Variants in ASIC2 observed in about 807,000 individuals in gnomAD.
The protein encoded by ASIC2 is acid sensing ion channel subunit 2, also known as acid-sensing ion channel 2.
A neutral mutation model predicts 57.3 loss-of-function variants in ASIC2; 25 were observed. The observed-to-expected ratio is 0.44, with a 90% CI of 0.32 to 0.61. The LOEUF is 0.61. Among genes scored for constraint, ASIC2 ranks in the 20% least tolerant of loss-of-function variants. The pLI is 0.06. For missense variants in ASIC2, 641 were observed against 738.1 expected, an observed-to-expected ratio of 0.87 and a Z score of 1.52; for synonymous variants, 319 against 307.5, an observed-to-expected ratio of 1.04 and a Z score of -0.39.
At chr17:33,206,491 C>T (rs909864756) in intron 1 of ASIC2, among the ~76,000 whole-genome samples, 4 of 152,288 alleles carry the variant, frequency 2.6e-5, no homozygotes, top group African/African-American at 9.6e-5. Flanking sequence ...AAGGTCAAGC[C>T]AAGCCCAAAG....
At chr17:33,771,473 G>C (rs920750950) in intron 1 of ASIC2, among the ~76,000 whole-genome samples, 1 of 151,844 alleles carries the variant, frequency 6.6e-6, no homozygotes, top group African/African-American at 2.4e-5. Flanking sequence ...CTCTTCCTTT[G>C]TATTGCTGTT....
At chr17:33,479,434 C>T (rs1421639346) in intron 1 of ASIC2, among the ~76,000 whole-genome samples, 1 of 152,124 alleles carries the variant, frequency 6.6e-6, no homozygotes, top group Non-Finnish European at 1.5e-5. Flanking sequence ...CCATGTGTGG[C>T]CCCAGTCTCT....
intron 1 of ASIC2, among the ~76,000 whole-genome samples, chr17:33,260,531 C>T (rs1049941605): frequency 4.6e-5 from 7 of 152,202 alleles, no homozygotes; most frequent in African/African-American, 7.2e-5. Context: ...TCACCTCCAA[C>T]GGCCACACTA....
intron 1 of ASIC2, among the ~76,000 whole-genome samples, chr17:33,480,522 A>C (rs1248519686): frequency 6.6e-6 from 1 of 152,122 alleles, no homozygotes; most frequent in Non-Finnish European, 1.5e-5. Context: ...GGAGCAGAGA[A>C]ATAGGGAAGC....
chr17:33,449,145 C>A (rs1028874623), intron 1 of ASIC2, among the ~76,000 whole-genome samples: 1 of 152,082 alleles, frequency 6.6e-6, no homozygotes, highest in African/African-American at 2.4e-5. Flanking sequence ...TGCCACAGAC[C>A]CTTTGAGGTT....
At chr17:33,231,440 G>A (rs1022302425) in intron 1 of ASIC2, among the ~76,000 whole-genome samples, 8 of 152,150 alleles carry the variant, frequency 5.3e-5, no homozygotes, top group Non-Finnish European at 7.4e-5. Context: ...GATGGGGGCC[G>A]GAATGGGGCC....
At chr17:33,710,778 G>A (rs1280427432) in intron 1 of ASIC2, among the ~76,000 whole-genome samples, 3 of 152,122 alleles carry the variant, frequency 2.0e-5, no homozygotes, top group Non-Finnish European at 4.4e-5. Flanking sequence ...TCGTACTAGA[G>A]CAGTTTGGGT....
At chr17:33,709,049 C>G (rs1438760882) in intron 1 of ASIC2, among the ~76,000 whole-genome samples, 1 of 152,198 alleles carries the variant, frequency 6.6e-6, no homozygotes, top group Non-Finnish European at 1.5e-5. Context: ...AAGCCGTCTG[C>G]CTGTTTTTTG....
At chr17:33,124,912 C>T (rs1160783746) in intron 1 of ASIC2, among the ~76,000 whole-genome samples, 1 of 152,148 alleles carries the variant, frequency 6.6e-6, no homozygotes, top group Non-Finnish European at 1.5e-5. Context: ...GTATTAGATT[C>T]TCTTAAGGGG....
intron 3 of ASIC2, among the ~76,000 whole-genome samples, chr17:33,056,314 C>A (rs1166688133): frequency 1.3e-5 from 2 of 152,198 alleles, no homozygotes; most frequent in Non-Finnish European, 2.9e-5. Flanking sequence ...AAAATCCAGG[C>A]AGAAATTAAC....
intron 1 of ASIC2, among the ~76,000 whole-genome samples, chr17:33,633,475 C>G (rs183837885): frequency 2.0e-4 from 30 of 152,326 alleles, no homozygotes; most frequent in African/African-American, 6.3e-4. Context: ...GTGCCCCAAA[C>G]TTGGCCACAG....
At chr17:33,313,314 C>T (rs751358739) in intron 1 of ASIC2, among the ~76,000 whole-genome samples, 12 of 149,298 alleles carry the variant, frequency 8.0e-5, no homozygotes, top group South Asian at 2.1e-4. Flanking sequence ...GGAAACAGAG[C>T]GAAACCCTGT....
At chr17:33,416,772 C>A (rs7209828) in intron 1 of ASIC2, among the ~76,000 whole-genome samples, 2 of 152,048 alleles carry the variant, frequency 1.3e-5, no homozygotes, top group Admixed American at 6.5e-5. Context: ...ATTGATGACC[C>A]GAGTGGAATA....
At chr17:33,542,037 C>T (rs760436822) in intron 1 of ASIC2, among the ~76,000 whole-genome samples, 23 of 152,124 alleles carry the variant, frequency 1.5e-4, no homozygotes, top group Non-Finnish European at 2.5e-4. Context: ...CCAATGAATG[C>T]AAAATGCTGA....
intron 1 of ASIC2, among the ~76,000 whole-genome samples, chr17:33,768,711 C>T (rs1357039339): frequency 6.6e-6 from 1 of 152,138 alleles, no homozygotes; most frequent in Non-Finnish European, 1.5e-5. Flanking sequence ...TTGGCTCTTC[C>T]TGAATAATGC....
rs1340519031 is a variant in ASIC2 at position 33,820,177 on chromosome 17, G to A, written c.555+335801C>T. On this transcript the variant is annotated intron_variant, in intron 1 of 9. Transcript: ENST00000359872. ...TTTTAATTATATTTAAATTTAAAAA[G>A]TCTTACTAGGTTCAGTTATTGGAAG... 3.3e-5 allele frequency among the ~76,000 whole-genome samples: 5 copies of A among 152,126 alleles called. No individual in the cohort carries two copies. The South Asian group carries it at 1.0e-3, about 32-fold the overall frequency.
At chr17:33,038,421 T>C (rs1413906247) in intron 3 of ASIC2, among the ~76,000 whole-genome samples, 1 of 152,178 alleles carries the variant, frequency 6.6e-6, no homozygotes, top group Non-Finnish European at 1.5e-5. Context: ...ACCAGGAAGA[T>C]GAATCTATGG....
intron 1 of ASIC2, among the ~76,000 whole-genome samples, chr17:34,089,961 A>C (rs1394589647): frequency 6.6e-6 from 1 of 152,126 alleles, no homozygotes; most frequent in African/African-American, 2.4e-5. Flanking sequence ...CTGCAGGACA[A>C]TGTTCTGAAC....
At chr17:33,371,409 A>G (rs1394393) in intron 1 of ASIC2, among the ~76,000 whole-genome samples, 27,413 of 152,288 alleles carry the variant, frequency 0.18, 3,430 homozygotes, top group East Asian at 0.68. Context: ...CAAGAGGCTC[A>G]CAGGGAGAGG....
Sources: allele counts gnomAD v4.1 joint callset (sites outside exome capture counted in the v4.1 genomes callset), GRCh38; gene constraint gnomAD v4.1.1; transcripts MANE v1.5; gene names NCBI Gene and HGNC (gene_info 2026-07-23, HGNC 2026-07-21).